The following ADAMTS17 variants were observed in gnomAD, a reference collection of about 807,000 sequenced individuals.
ADAMTS17 encodes A disintegrin and metalloproteinase with thrombospondin motifs 17.
In ADAMTS17, 113 loss-of-function variants were observed where a neutral mutation model predicts 141.5. The observed-to-expected ratio is 0.80, with a 90% CI of 0.69 to 0.93. The LOEUF (loss-of-function observed/expected upper bound fraction) is 0.93, where lower values mean the gene tolerates loss of function less well. Among genes scored for constraint, ADAMTS17 ranks in the 40% least tolerant of loss-of-function variants. The probability of loss-of-function intolerance (pLI) is 0.00; values close to 1 mark genes in which losing one functional copy is unlikely to be tolerated. For missense variants in ADAMTS17, 1,659 were observed against 1,517.9 expected (o/e 1.09, Z -1.54); for synonymous variants, 768 against 630.6 (o/e 1.22, Z -3.27).
intron 20 of ADAMTS17, among the ~76,000 whole-genome samples, chr15:99,988,012 T>C (rs2060624141): frequency 6.6e-6 from 1 of 151,928 alleles, no homozygotes; most frequent in Admixed American, 6.6e-5. Flanking sequence ...CCTCTCTGCT[T>C]GGTAAAACCA....
Position 100,249,079 on chromosome 15 carries a change from G to A in ADAMTS17, c.1075+5057C>T, listed in dbSNP as rs545940267. On this transcript the variant is annotated intron_variant, in intron 7 of 21. Transcript: ENST00000268070. ...CTCCCAAAGTGATGGGATTACAGGC[G>A]TCAGCCACCACGCCTGGACCTGGTG... is the stretch of plus-strand genomic sequence containing the variant. 6.6e-5 allele frequency among the ~76,000 whole-genome samples: 10 copies of A among 152,250 alleles called. No individual in the cohort carries two copies. In the East Asian group the frequency reaches 7.7e-4, roughly 12 times the overall value.
intron 8 of ADAMTS17, among the ~76,000 whole-genome samples, chr15:100,186,736 G>A (rs971693454): frequency 1.3e-5 from 2 of 152,238 alleles, no homozygotes. Flanking sequence ...CAGGAGGGCT[G>A]AGAGTTTTGC....
chr15:100,168,612 C>G (rs141066972), intron 8 of ADAMTS17: 2 of 152,294 alleles, frequency 1.3e-5, no homozygotes, highest in African/African-American at 2.4e-5. Context: ...GCTAACAGTG[C>G]GTAGCAAAAA....
At chr15:100,058,345 C>T in intron 15 of ADAMTS17, among the ~76,000 whole-genome samples, 2 of 151,938 alleles carry the variant, frequency 1.3e-5, no homozygotes, top group Admixed American at 1.3e-4. Flanking sequence ...CCGGCTCTAA[C>T]ACCCCTATCC....
intron 6 of ADAMTS17, 104 bp from the exon 7 acceptor site, chr15:100,254,283 T>C: frequency 9.3e-7 from 1 of 1,070,912 alleles, no homozygotes; most frequent in South Asian, 1.3e-5. Flanking sequence ...AATGTTATTT[T>C]TCCAGTGGAC....
intron 16 of ADAMTS17, among the ~76,000 whole-genome samples, chr15:100,052,449 T>C (rs900192559): frequency 6.6e-6 from 1 of 152,222 alleles, no homozygotes; most frequent in African/African-American, 2.4e-5. Context: ...TCAGTTACGG[T>C]AGTAGTTGCT....
At chr15:100,146,791 C>T (rs907851215) in intron 10 of ADAMTS17, among the ~76,000 whole-genome samples, 63 of 38,758 alleles carry the variant, frequency 1.6e-3, no homozygotes, top group Admixed American at 6.0e-4. Context: ...TATAGATGGC[C>T]CCCCTGGGTG....
At chr15:100,090,690 A>T (rs1221810342) in intron 15 of ADAMTS17, among the ~76,000 whole-genome samples, 1 of 152,140 alleles carries the variant, frequency 6.6e-6, no homozygotes, top group Non-Finnish European at 1.5e-5. Context: ...TAACCGTCCT[A>T]CGACAAGTTT....
intron 10 of ADAMTS17, among the ~76,000 whole-genome samples, chr15:100,147,806 TTGC>T (rs1182186527): frequency 6.6e-6 from 1 of 152,264 alleles, no homozygotes; most frequent in African/African-American, 2.4e-5. Context: ...TAGTTTCCTA[TTGC>T]TGCTACTACA....
chr15:100,341,453 G>A (rs2046364239), intron 1 of ADAMTS17, 44 bp from the exon 2 acceptor site: 4 of 1,008,082 alleles, frequency 4.0e-6, no homozygotes, highest in Admixed American at 6.0e-5. Context: ...GGGCCCGCCC[G>A]GACGCCCGCC....
intron 18 of ADAMTS17, among the ~76,000 whole-genome samples, chr15:100,005,833 T>G (rs1247357655): frequency 6.6e-6 from 1 of 152,092 alleles, no homozygotes; most frequent in Non-Finnish European, 1.5e-5. Flanking sequence ...AAAACCATGG[T>G]GTCAGTGTGG....
chr15:100,140,166 T>G (rs762150738), intron 10 of ADAMTS17, among the ~76,000 whole-genome samples: 1 of 151,938 alleles, frequency 6.6e-6, no homozygotes, highest in South Asian at 2.1e-4. Context: ...TGGCTAATTT[T>G]TGTATTTTTG....
At chr15:100,072,658 A>C (rs2034063101) in intron 15 of ADAMTS17, among the ~76,000 whole-genome samples, 2 of 152,222 alleles carry the variant, frequency 1.3e-5, no homozygotes, top group Non-Finnish European at 2.9e-5. Context: ...CAATGGGGAA[A>C]GGATTCCCTA....
At chr15:100,326,032 G>C (rs573800620) in intron 3 of ADAMTS17, among the ~76,000 whole-genome samples, 1 of 152,182 alleles carries the variant, frequency 6.6e-6, no homozygotes, top group East Asian at 1.9e-4. Context: ...GTGCAGCTTT[G>C]GAGCAGCCTC....
intron 14 of ADAMTS17, among the ~76,000 whole-genome samples, chr15:100,100,999 A>T (rs185833346): frequency 1.3e-5 from 2 of 151,852 alleles, no homozygotes; most frequent in East Asian, 1.9e-4. Flanking sequence ...GTTTCCTGGG[A>T]TCTACTTGAG....
chr15:100,299,386 C>CA (rs2044943923), intron 3 of ADAMTS17, among the ~76,000 whole-genome samples: 1 of 149,954 alleles, frequency 6.7e-6, no homozygotes, highest in South Asian at 2.2e-4. Flanking sequence ...AGCAAATCCG[C>CA]AAAAAACAAA....
chr15:100,182,232 C>T (rs1054282502), intron 8 of ADAMTS17, among the ~76,000 whole-genome samples: 2 of 152,150 alleles, frequency 1.3e-5, no homozygotes, highest in African/African-American at 4.8e-5. Context: ...AAGCAAGGAC[C>T]TTTTTCACAT....
At chr15:100,171,249 C>A (rs992716537) in intron 8 of ADAMTS17, among the ~76,000 whole-genome samples, 2 of 152,208 alleles carry the variant, frequency 1.3e-5, no homozygotes, top group Non-Finnish European at 2.9e-5. Context: ...CAAGGACAGA[C>A]TGCTTCCTGC....
intron 7 of ADAMTS17, among the ~76,000 whole-genome samples, chr15:100,239,471 G>A (rs1489519596): frequency 6.7e-6 from 1 of 150,132 alleles, no homozygotes; most frequent in Non-Finnish European, 1.5e-5. Context: ...AAAAGAAGGT[G>A]CAGATCTCGG....
Sources: gnomAD v4.1 joint callset for allele counts (sites outside exome capture counted in the v4.1 genomes callset) on GRCh38, gnomAD v4.1.1 for gene constraint, MANE v1.5 for transcripts, NCBI Gene and HGNC (gene_info 2026-07-23, HGNC 2026-07-21) for gene names.